The following USP35 variants were observed in gnomAD, a reference collection of about 807,000 sequenced individuals.
The protein encoded by USP35 is ubiquitin specific peptidase 35, also known as ubiquitin carboxyl-terminal hydrolase 35.
A neutral mutation model predicts 83.8 loss-of-function variants in USP35; 69 were observed. That is an observed-to-expected ratio of 0.82 (90% CI 0.68 to 1.01). USP35 has a LOEUF of 1.01. Among genes scored for constraint, USP35 ranks in the 50% least tolerant of loss-of-function variants. The pLI is 0.00. For missense variants in USP35, 1,503 were observed against 1,362.5 expected (o/e 1.10, Z -1.62); for synonymous variants, 714 against 589.5 (o/e 1.21, Z -3.06).
Position 78,209,738 on chromosome 11 carries a change from C to T in USP35, c.1883C>T (p.Pro628Leu), listed in dbSNP as rs1394644341. Reference protein sequence around the residue: ...TEDITARELPPPTSAQGPGRV... With the variant: ...TEDITARELPLPTSAQGPGRV... ...GACATCACAGCCCGGGAGTTGCCCC[C>T]ACCAACCAGTGCACAGGGGCCAGGC... The change falls in exon 10 of 11, where the codon CCA (proline) becomes CTA (leucine). Residue 628 changes from proline (P) to leucine (L), a missense_variant. Coordinates refer to ENST00000529308, the MANE Select transcript of USP35 (RefSeq NM_020798.4). 2 of 1,613,940 alleles carry T rather than the reference C, an allele frequency of 1.2e-6. No individual in the cohort carries two copies. The highest frequency in any genetic ancestry group is 1.3e-5 in the African/African-American group (1 of 74,872).
At chr11:78,198,926 T>A (rs574857154) in intron 3 of USP35, 1 of 155,434 alleles carries the variant, frequency 6.4e-6, no homozygotes, top group Middle Eastern at 3.4e-3. Context: ...GACGCCGTTA[T>A]CATTGTTATG....
Position 78,209,969 on chromosome 11 carries a change from AGAGG to A in USP35, c.2118_2121del (p.Glu707LysfsTer67). 2.5e-6 allele frequency: 4 copies of A among 1,612,006 alleles called. No individual in the cohort carries two copies. The highest frequency in any genetic ancestry group is 1.1e-5 in the South Asian group (1 of 90,856). ...GAGGAAAGCACCAGAGGGGAAGGAGAGAGGGAGAAAGAGGAGGAGGTGGAAGAGG... is the reference window on the plus strand; with the variant it reads ...GAGGAAAGCACCAGAGGGGAAGGAGAGAGAAAGAGGAGGAGGTGGAAGAGG... On this transcript the variant is annotated frameshift_variant, in exon 10 of 11. Coordinates refer to ENST00000529308, the MANE Select transcript of USP35 (RefSeq NM_020798.4). LOFTEE classifies it high-confidence loss of function.
rs1032330652 is a variant in USP35, at chr11:78,214,733, G to A, written c.*920G>A. 1.3e-5 allele frequency: 2 copies of A among 151,868 alleles called. No individual in the cohort carries two copies. Among genetic ancestry groups the A allele is most frequent in the African/African-American group, 4.9e-5 (2 of 41,076 alleles). 9.4% of individuals were successfully genotyped at this position (151,868 alleles called of 1,614,324 possible). A position where few individuals can be genotyped will look rare whatever the true frequency, so the allele number is the denominator to read the frequency against. On this transcript the variant is annotated 3_prime_UTR_variant, in exon 11 of 11. Transcript: ENST00000529308. The stretch of plus-strand genomic sequence containing the variant: ...AAGAGATTGTTCTTCCTTGGACTCA[G>A]GGGCTGTGATGGCCACTGGGTTTTG...
At chr11:78,200,003 G>A (rs1312170222) in intron 4 of USP35, 130 bp from the exon 5 acceptor site, 4 of 1,014,682 alleles carry the variant, frequency 3.9e-6, no homozygotes, top group Non-Finnish European at 3.0e-6. Context: ...GGGTCTGTGA[G>A]CACCTCAGTG....
chr11:78,216,618 A>C (rs570535764), downstream of USP35: 6 of 150,144 alleles, frequency 4.0e-5, no homozygotes, highest in South Asian at 1.2e-3. Context: ...TAGTTACCAG[A>C]ATAGGGGGCT....
chr11:78,194,702 A>C (rs551079221), intron 1 of USP35, among the ~76,000 whole-genome samples: 1 of 152,166 alleles, frequency 6.6e-6, no homozygotes, highest in Non-Finnish European at 1.5e-5. Flanking sequence ...AAGGAAGGCT[A>C]TTATGGCTCA....
At chr11:78,219,540 C>G (rs1864313615), downstream of USP35, 1 of 825,416 alleles carries the variant, frequency 1.2e-6, no homozygotes, top group South Asian at 1.6e-5. Flanking sequence ...CTGCCTGCCA[C>G]TGACCAGCCT....
chr11:78,230,793 A>G, the USP35 span, among the ~76,000 whole-genome samples: 2 of 152,350 alleles, frequency 1.3e-5, no homozygotes, highest in South Asian at 4.1e-4. Flanking sequence ...GGGTGCCCCC[A>G]CTGCGCAAAC....
At chr11:78,224,088 TAAAAA>T in the USP35 span, among the ~76,000 whole-genome samples, 1 of 151,406 alleles carries the variant, frequency 6.6e-6, no homozygotes, top group African/African-American at 2.4e-5. Flanking sequence ...TTTCAAAAAA[TAAAAA>T]ATAAAAAAAA....
At chr11:78,221,662 G>T in the USP35 span, 38 of 1,546,850 alleles carry the variant, frequency 2.5e-5, no homozygotes, top group Non-Finnish European at 3.1e-5. Flanking sequence ...TTCCAGCGAA[G>T]CCCGAAGGAC....
At chr11:78,223,646 T>C in the USP35 span, 1 of 1,609,114 alleles carries the variant, frequency 6.2e-7, no homozygotes, top group East Asian at 2.2e-5. Flanking sequence ...GAATTGGTGC[T>C]GTCCGATCGG....
At chr11:78,190,990 A>G (rs1215719917) in intron 1 of USP35, among the ~76,000 whole-genome samples, 1 of 152,180 alleles carries the variant, frequency 6.6e-6, no homozygotes, top group East Asian at 1.9e-4. Context: ...TCTGGGTCCA[A>G]GGGGCTGGAG....
intron 6 of USP35, among the ~76,000 whole-genome samples, chr11:78,201,234 A>T (rs1468791049): frequency 1.3e-5 from 2 of 152,098 alleles, no homozygotes; most frequent in Non-Finnish European, 2.9e-5. Flanking sequence ...CTGGGCTCCC[A>T]CAGTCTTGGT....
chr11:78,207,921 C>T (rs1390125925), intron 8 of USP35, among the ~76,000 whole-genome samples: 6 of 152,208 alleles, frequency 3.9e-5, no homozygotes, highest in South Asian at 4.1e-4. Context: ...AAACCAAATA[C>T]TCGAGGCTTG....
At chr11:78,207,053 G>A (rs1354607832) in intron 7 of USP35, among the ~76,000 whole-genome samples, 1 of 152,248 alleles carries the variant, frequency 6.6e-6, no homozygotes, top group African/African-American at 2.4e-5. Context: ...GACAGGGGCT[G>A]TAGGAGTCGA....
Position 78,200,219 on chromosome 11 carries a change from C to T in USP35, c.1023C>T (p.His341=), listed in dbSNP as rs527799146. Residue 341 remains histidine (H), a synonymous_variant, in exon 5 of 11, where the codon CAC becomes CAT. Transcript: ENST00000529308. ...KYMLLTFQHS[H]EAFHLLLPHI... is the part of the protein sequence containing the mutation. Reference sequence around the variant, plus strand: ...TGCTCCTGACCTTCCAGCACTCCCACGAAGCCTTCCACCTGGTAAGGTCCC... The same window carrying T: ...TGCTCCTGACCTTCCAGCACTCCCATGAAGCCTTCCACCTGGTAAGGTCCC... 2.7e-5 allele frequency: 43 copies of T among 1,614,172 alleles called. No individual in the cohort carries two copies. Among genetic ancestry groups the T allele is most frequent in the East Asian group, 2.2e-4 (10 of 44,878 alleles).
rs781272687 is a variant in USP35, at chr11:78,210,025, G to C, written c.2170G>C (p.Glu724Gln). ...EEEEKVEKET[E>Q]KEAEQEKEED... ...AGAAGAGAAGGTGGAGAAGGAGACAGAAAAGGAGGCTGAGCAGGAAAAGGA... is the reference window on the plus strand; with the variant it reads ...AGAAGAGAAGGTGGAGAAGGAGACACAAAAGGAGGCTGAGCAGGAAAAGGA... Residue 724 changes from glutamate (E) to glutamine (Q), a missense_variant, in exon 10 of 11, where the codon GAA becomes CAA. Transcript: ENST00000529308. 1.9e-6 allele frequency: 3 copies of C among 1,613,776 alleles called. No homozygotes were observed. The highest frequency in any genetic ancestry group is 2.5e-6 in the Non-Finnish European group (3 of 1,179,868).
rs903447434 is a variant in USP35 at position 78,214,116 on chromosome 11, G to A, written c.*303G>A. On this transcript the variant is annotated 3_prime_UTR_variant, in exon 11 of 11. Coordinates refer to ENST00000529308, the MANE Select transcript of USP35 (RefSeq NM_020798.4). ...CCCTAGCAGGCTCCCCATGCGGGAA[G>A]ATCTGATGATGTTCAGGAAACAGGC... 14 of 300,758 alleles carry A rather than the reference G, an allele frequency of 4.7e-5. No individual in the cohort carries two copies. The highest frequency in any genetic ancestry group is 2.9e-4 in the African/African-American group (13 of 45,422). The allele number at this position is 300,758 out of a possible 1,614,324, so 18.6% of individuals were successfully genotyped here.
chr11:78,222,407 C>T, the USP35 span, among the ~76,000 whole-genome samples: 30 of 151,722 alleles, frequency 2.0e-4, no homozygotes, highest in Non-Finnish European at 3.4e-4. Context: ...TATATTCTTT[C>T]TGCTGTATCT....
Sources: gnomAD v4.1 joint callset for allele counts (sites outside exome capture counted in the v4.1 genomes callset) on GRCh38, gnomAD v4.1.1 for gene constraint, MANE v1.5 for transcripts, NCBI Gene and HGNC (gene_info 2026-07-23, HGNC 2026-07-21) for gene names.